PAWR: variants seen among roughly 807,000 people sequenced by gnomAD.
PAWR encodes pro-apoptotic WT1 regulator.
Under a neutral mutation model 32.0 loss-of-function variants are expected in PAWR, and 23 were observed. That is an observed-to-expected ratio of 0.72 (90% CI 0.52 to 1.02). The LOEUF is 1.02. Among genes scored for constraint, PAWR ranks in the 50% least tolerant of loss-of-function variants. PAWR has a pLI of 0.00. For synonymous variants in PAWR, 226 were observed against 187.1 expected (o/e 1.21, Z -1.70); for missense variants, 457 against 437.7 (o/e 1.04, Z -0.39).
intron 4 of PAWR, among the ~76,000 whole-genome samples, chr12:79,612,324 CTCTT>C (rs8176888): frequency 0.011 from 1,683 of 152,218 alleles, 41 homozygotes; most frequent in African/African-American, 0.038. Flanking sequence ...GCCTTCTCAT[CTCTT>C]TCTATTGCTA....
intron 2 of PAWR, among the ~76,000 whole-genome samples, chr12:79,683,102 CAG>C (rs1462813751): frequency 6.6e-6 from 1 of 152,142 alleles, no homozygotes; most frequent in Non-Finnish European, 1.5e-5. Context: ...GCAAAGCAGA[CAG>C]AGCATTTTGC....
chr12:79,643,172 T>C (rs111935345), intron 2 of PAWR, among the ~76,000 whole-genome samples: 1 of 152,116 alleles, frequency 6.6e-6, no homozygotes, highest in Admixed American at 6.5e-5. Context: ...GTGTGTGGCA[T>C]ATAGTAGCTA....
intron 2 of PAWR, among the ~76,000 whole-genome samples, chr12:79,644,528 C>T (rs1050977681): frequency 9.2e-5 from 14 of 152,114 alleles, no homozygotes; most frequent in African/African-American, 3.1e-4. Context: ...CAGTTGTTTT[C>T]CTATTCCCTT....
chr12:79,616,056 CAAAA>C (rs140963642), intron 3 of PAWR, among the ~76,000 whole-genome samples: 6 of 72,374 alleles, frequency 8.3e-5, no homozygotes, highest in Non-Finnish European at 1.1e-4. Context: ...GACCCTGTCT[CAAAA>C]AAAAAAAAAA....
At chr12:79,621,289 T>TA in intron 2 of PAWR, 82 bp from the exon 3 acceptor site, 1 of 1,034,298 alleles carries the variant, frequency 9.7e-7, no homozygotes, top group Non-Finnish European at 1.4e-6. Context: ...TTGATAGTAT[T>TA]AAAGAAATAT....
At chr12:79,604,164 G>A (rs1592494240) in intron 4 of PAWR, 1 of 845,090 alleles carries the variant, frequency 1.2e-6, no homozygotes, top group African/African-American at 1.8e-5. Context: ...ATAAAAGATT[G>A]TTCATTAACT....
Position 79,603,477 on chromosome 12 carries a change from G to T in PAWR, c.684-6819C>A, listed in dbSNP as rs1592493645. On this transcript the variant is annotated intron_variant, in intron 4 of 6. Coordinates refer to ENST00000328827, the MANE Select transcript of PAWR (RefSeq NM_002583.4). ...AGTCCAACTTTCTGCATCCATCCAT[G>T]ACTTTTTAGGTAGAAACTATAATGC... 9.2e-5 allele frequency among the ~76,000 whole-genome samples: 14 copies of T among 152,054 alleles called. No individual in the cohort carries two copies. In the South Asian group the frequency reaches 2.9e-3, roughly 32 times the overall value.
chr12:79,611,770 T>C (rs1018090479), intron 4 of PAWR, among the ~76,000 whole-genome samples: 2 of 152,144 alleles, frequency 1.3e-5, no homozygotes, highest in African/African-American at 2.4e-5. Context: ...AGAATACAAG[T>C]AAGAAAAGTA....
intron 2 of PAWR, among the ~76,000 whole-genome samples, chr12:79,659,967 T>A (rs1267524925): frequency 6.6e-6 from 1 of 152,192 alleles, no homozygotes; most frequent in Non-Finnish European, 1.5e-5. Context: ...AAGTAACTAT[T>A]ATACTAGACA....
At chr12:79,594,541 G>A (rs1223650973) in intron 5 of PAWR, 108 bp from the exon 6 acceptor site, 1 of 607,916 alleles carries the variant, frequency 1.6e-6, no homozygotes, top group South Asian at 2.0e-5. Flanking sequence ...CATACATGAA[G>A]ATTTCCAATG....
intron 2 of PAWR, among the ~76,000 whole-genome samples, chr12:79,667,067 C>G (rs190643077): frequency 6.6e-6 from 1 of 152,318 alleles, no homozygotes; most frequent in Admixed American, 6.5e-5. Context: ...CATGATGTCT[C>G]ATATGTCTCC....
rs1253487511 is a variant in PAWR, at chr12:79,590,015, G to C, written c.*2592C>G. On this transcript the variant is annotated 3_prime_UTR_variant, in exon 7 of 7. Coordinates refer to ENST00000328827, the MANE Select transcript of PAWR (RefSeq NM_002583.4). ...ATCCTACTTTATTTTTCAATGGTTA[G>C]TGTAAAATTCTGTATGTAAAATAAG... 1 of 152,012 alleles carries C rather than the reference G, an allele frequency of 6.6e-6. No individual in the cohort carries two copies. The highest frequency in any genetic ancestry group is 2.4e-5 in the African/African-American group (1 of 41,376). The allele number at this position is 152,012 out of a possible 1,614,324, so 9.4% of individuals were successfully genotyped here. A position where few individuals can be genotyped will look rare whatever the true frequency, so the allele number is the denominator to read the frequency against.
chr12:79,643,392 G>C (rs1462805954), intron 2 of PAWR, among the ~76,000 whole-genome samples: 1 of 151,992 alleles, frequency 6.6e-6, no homozygotes, highest in African/African-American at 2.4e-5. Flanking sequence ...TCTTATCAAG[G>C]CTTTTAAAAG....
chr12:79,603,273 T>C (rs761397116), intron 4 of PAWR, among the ~76,000 whole-genome samples: 33 of 151,190 alleles, frequency 2.2e-4, no homozygotes, highest in Non-Finnish European at 3.4e-4. Flanking sequence ...CAAAAAAAAT[T>C]GAGTAATACC....
At chr12:79,616,499 T>G (rs191590695) in intron 3 of PAWR, among the ~76,000 whole-genome samples, 1 of 152,148 alleles carries the variant, frequency 6.6e-6, no homozygotes, top group Non-Finnish European at 1.5e-5. Flanking sequence ...ATGGTAAAAC[T>G]TAGAGTAATA....
intron 2 of PAWR, among the ~76,000 whole-genome samples, chr12:79,654,432 T>C (rs1313178805): frequency 6.7e-6 from 1 of 149,700 alleles, no homozygotes. Context: ...TTTTTTTTTG[T>C]ACCCTGTCCA....
intron 4 of PAWR, among the ~76,000 whole-genome samples, chr12:79,607,568 A>AAAACCT (rs1874237876): frequency 2.0e-5 from 3 of 151,834 alleles, no homozygotes; most frequent in Non-Finnish European, 4.4e-5. Flanking sequence ...GTCTCTACAA[A>AAAACCT]AAATTTAAAA....
chr12:79,666,020 C>T (rs1877585763), intron 2 of PAWR, among the ~76,000 whole-genome samples: 1 of 152,124 alleles, frequency 6.6e-6, no homozygotes, highest in African/African-American at 2.4e-5. Context: ...CCTTTTTAGA[C>T]TCCTCAAGCA....
At chr12:79,664,246 C>T (rs1877490660) in intron 2 of PAWR, among the ~76,000 whole-genome samples, 1 of 152,056 alleles carries the variant, frequency 6.6e-6, no homozygotes, top group South Asian at 2.1e-4. Flanking sequence ...TTTTTAAGTG[C>T]ATTTTCATTA....
Sources: allele counts gnomAD v4.1 joint callset (sites outside exome capture counted in the v4.1 genomes callset), GRCh38; gene constraint gnomAD v4.1.1; transcripts MANE v1.5; gene names NCBI Gene and HGNC (gene_info 2026-07-23, HGNC 2026-07-21).